APBA1: variants seen among roughly 807,000 people sequenced by gnomAD.
APBA1 encodes amyloid-beta A4 precursor protein-binding family A member 1.
Under a neutral mutation model 86.6 loss-of-function variants are expected in APBA1, and 55 were observed. That is an observed-to-expected ratio of 0.64 (90% CI 0.51 to 0.80). APBA1 has a LOEUF of 0.80. Ranked by LOEUF, APBA1 falls within the 30% of genes least tolerant of loss-of-function variation. The pLI is 0.00. For synonymous variants in APBA1, 511 were observed against 493.9 expected (o/e 1.03, Z -0.46); for missense variants, 1,090 against 1,183.0 (o/e 0.92, Z 1.15).
At chr9:69,579,168 C>T (rs1459608260) in intron 1 of APBA1, among the ~76,000 whole-genome samples, 1 of 152,118 alleles carries the variant, frequency 6.6e-6, no homozygotes, top group Admixed American at 6.5e-5. Context: ...CAACCTTTAA[C>T]TCTCCTGCAT....
intron 1 of APBA1, among the ~76,000 whole-genome samples, chr9:69,567,336 G>C (rs952850508): frequency 2.0e-5 from 3 of 152,134 alleles, no homozygotes; most frequent in Admixed American, 2.0e-4. Flanking sequence ...GGAAATTCCT[G>C]CCGCCCCCAC....
intron 1 of APBA1, among the ~76,000 whole-genome samples, chr9:69,551,234 A>G (rs1195070411): frequency 6.6e-6 from 1 of 152,186 alleles, no homozygotes; most frequent in African/African-American, 2.4e-5. Context: ...ATGTAGCTTC[A>G]CAACTTAACA....
intron 8 of APBA1, among the ~76,000 whole-genome samples, chr9:69,455,699 A>T (rs1835084214): frequency 6.6e-6 from 1 of 152,080 alleles, no homozygotes; most frequent in African/African-American, 2.4e-5. Flanking sequence ...GACCACAAAG[A>T]ACTGTCCTCC....
At chr9:69,631,732 A>T (rs1433016506) in intron 1 of APBA1, among the ~76,000 whole-genome samples, 1 of 152,234 alleles carries the variant, frequency 6.6e-6, no homozygotes, top group Non-Finnish European at 1.5e-5. Context: ...AGCCACAAAA[A>T]AGGATGAGTT....
chr9:69,436,495 A>T (rs1834722588), intron 11 of APBA1, among the ~76,000 whole-genome samples: 2 of 151,706 alleles, frequency 1.3e-5, no homozygotes, highest in Non-Finnish European at 2.9e-5. Flanking sequence ...GGTCCTTCAC[A>T]TCCCTTGTAA....
chr9:69,512,846 C>T (rs1403277862), intron 2 of APBA1, among the ~76,000 whole-genome samples: 1 of 152,136 alleles, frequency 6.6e-6, no homozygotes, highest in African/African-American at 2.4e-5. Flanking sequence ...ATAAGTACCA[C>T]CCAGACAGAC....
chr9:69,553,241 C>T (rs1431495922), intron 1 of APBA1, among the ~76,000 whole-genome samples: 1 of 152,132 alleles, frequency 6.6e-6, no homozygotes, highest in Non-Finnish European at 1.5e-5. Flanking sequence ...ACCATAAATG[C>T]ACAGATCTTA....
rs771401564 is a variant in APBA1, at chr9:69,516,925, C to T, written c.286G>A (p.Val96Met). Residue 96 changes from valine to methionine, a missense_variant, in exon 2 of 13, where the codon GTG (valine) becomes ATG (methionine). By Grantham distance (21) the Val-to-Met change is conservative. This residue lies in a region of APBA1 where 678 missense variants were observed against 647.1 expected (regional missense o/e 1.05). Coordinates refer to ENST00000265381, the MANE Select transcript of APBA1 (RefSeq NM_001163.4). This position sits in a 1 kb window ranked among gnomAD's most constrained non-coding sequence, Gnocchi z 7.3. ...TAGCCGTCGCGGGCCGCGGCGATCACGTCGCCCTCGGCGGTGTCCGTGTGG... is the reference window on the plus strand; with the variant it reads ...TAGCCGTCGCGGGCCGCGGCGATCATGTCGCCCTCGGCGGTGTCCGTGTGG... The part of the protein sequence containing the change: ...HNHTDTAEGD[V>M]IAAARDGYDA... 3 of 1,594,414 alleles carry T rather than the reference C, an allele frequency of 1.9e-6. No homozygotes were observed. The South Asian group carries it at 3.3e-5, about 18-fold the overall frequency.
At chr9:69,656,775 T>C (rs1172059657) in intron 1 of APBA1, among the ~76,000 whole-genome samples, 1 of 152,144 alleles carries the variant, frequency 6.6e-6, no homozygotes, top group Non-Finnish European at 1.5e-5. Flanking sequence ...TTATTTATTA[T>C]CACATTGGAT....
intron 1 of APBA1, among the ~76,000 whole-genome samples, chr9:69,666,915 AG>A (rs1192528107): frequency 6.6e-6 from 1 of 152,218 alleles, no homozygotes; most frequent in Non-Finnish European, 1.5e-5. Context: ...ACTTAAAAAA[AG>A]TTTATTCATG....
chr9:69,611,102 A>G (rs911156766), intron 1 of APBA1, among the ~76,000 whole-genome samples: 2 of 152,000 alleles, frequency 1.3e-5, no homozygotes, highest in African/African-American at 4.8e-5. Flanking sequence ...GGCTTTACAA[A>G]TCACAACAGC....
chr9:69,448,865 T>TCA (rs1834955373), intron 10 of APBA1, among the ~76,000 whole-genome samples: 1 of 152,228 alleles, frequency 6.6e-6, no homozygotes, highest in East Asian at 1.9e-4. Flanking sequence ...GGCCATGCAT[T>TCA]CAGCAAGTCC....
intron 2 of APBA1, among the ~76,000 whole-genome samples, chr9:69,487,642 G>A (rs531229785): frequency 6.6e-6 from 1 of 152,112 alleles, no homozygotes; most frequent in South Asian, 2.1e-4. Context: ...TGAGGGAACG[G>A]GTTAGTTATC....
At chr9:69,471,799 G>C in intron 3 of APBA1, 104 bp from the exon 4 acceptor site, 1 of 880,238 alleles carries the variant, frequency 1.1e-6, no homozygotes, top group Non-Finnish European at 1.8e-6. Flanking sequence ...ATCAGTGGCA[G>C]TTACCAATTA....
At chr9:69,522,226 GATGCCAAGCACAGAGGGT>G (rs1836264671) in intron 1 of APBA1, among the ~76,000 whole-genome samples, 1 of 151,850 alleles carries the variant, frequency 6.6e-6, no homozygotes, top group Admixed American at 6.6e-5. Context: ...TTGATTTTCT[GATGCCAAGCACAGAGGGT>G]ATACAGAAGG....
At chr9:69,569,410 C>T (rs1837079591) in intron 1 of APBA1, among the ~76,000 whole-genome samples, 1 of 151,856 alleles carries the variant, frequency 6.6e-6, no homozygotes, top group South Asian at 2.1e-4. Flanking sequence ...CTGCACCCTT[C>T]CCTTGATATA....
At chr9:69,579,716 T>G (rs916581111) in intron 1 of APBA1, among the ~76,000 whole-genome samples, 7 of 152,164 alleles carry the variant, frequency 4.6e-5, no homozygotes, top group Non-Finnish European at 1.0e-4. Flanking sequence ...GTCACAATAA[T>G]GCATGTTGCC....
intron 1 of APBA1, among the ~76,000 whole-genome samples, chr9:69,658,222 C>CTT (rs1353669828): frequency 7.8e-4 from 81 of 104,300 alleles, no homozygotes; most frequent in South Asian, 3.2e-3. Flanking sequence ...AGTCCTTTCT[C>CTT]TCTTTCTTTC....
chr9:69,441,411 G>A (rs1382285778), intron 10 of APBA1, among the ~76,000 whole-genome samples: 2 of 152,224 alleles, frequency 1.3e-5, no homozygotes, highest in South Asian at 2.1e-4. Flanking sequence ...TCTGATCAAA[G>A]TACTTGTGCA....
Sources: gnomAD v4.1 joint callset for allele counts (sites outside exome capture counted in the v4.1 genomes callset) on GRCh38, gnomAD v4.1.1 for gene constraint, gnomAD v4.1.1 regional missense constraint, Gnocchi (gnomAD v3.1) non-coding constraint, MANE v1.5 for transcripts, NCBI Gene and HGNC (gene_info 2026-07-23, HGNC 2026-07-21) for gene names.